OPHN1: variants seen among roughly 807,000 people sequenced by gnomAD.
OPHN1 encodes oligophrenin 1, also known as oligophrenin-1.
A neutral mutation model predicts 60.7 loss-of-function variants in OPHN1; 11 were observed. The ratio of observed to expected loss-of-function variants is 0.18; its 90% CI spans 0.11 to 0.30. The LOEUF (loss-of-function observed/expected upper bound fraction) is 0.30. Ranked by LOEUF, OPHN1 falls within the 10% of genes least tolerant of loss-of-function variation. OPHN1 has a pLI of 1.00. For missense variants in OPHN1, 449 were observed against 611.0 expected, an observed-to-expected ratio of 0.73 and a Z score of 2.80; for synonymous variants, 226 against 222.6, an observed-to-expected ratio of 1.02 and a Z score of -0.14.
At chrX:68,287,113 AAAAG>A (rs764621527) in intron 3 of OPHN1, among the ~76,000 whole-genome samples, 68 of 89,205 alleles carry the variant, frequency 7.6e-4, no homozygotes, top group Non-Finnish European at 1.3e-3. Flanking sequence ...AGGAAGAAAA[AAAAG>A]AAAGAGAGAG....
intron 2 of OPHN1, among the ~76,000 whole-genome samples, chrX:68,375,803 C>A (rs1255140098): frequency 9.0e-6 from 1 of 110,508 alleles, no homozygotes; most frequent in Non-Finnish European, 1.9e-5. Flanking sequence ...TTATATAATT[C>A]TCAAAACAAC....
At chrX:68,344,709 C>T (rs2078370880) in intron 2 of OPHN1, among the ~76,000 whole-genome samples, 1 of 110,685 alleles carries the variant, frequency 9.0e-6, no homozygotes, top group African/African-American at 3.3e-5. Flanking sequence ...ACACCCCCTA[C>T]AAAAAATAAA....
chrX:68,130,238 A>T (rs2077188113), intron 15 of OPHN1, among the ~76,000 whole-genome samples: 1 of 111,578 alleles, frequency 9.0e-6, no homozygotes, highest in Admixed American at 9.5e-5. Context: ...CCTACTAGCT[A>T]TTTCAGGCCA....
rs921019645 is a variant in OPHN1, at chrX:68,234,545, G to T, written c.428C>A (p.Ser143Tyr). The change falls in exon 6 of 25, where the codon TCT becomes TAT. Residue 143 changes from serine (S) to tyrosine (Y), a missense_variant. Ser to Tyr is a moderately radical substitution (Grantham distance 144, BLOSUM62 -2). Transcript: ENST00000355520. ...KFEKDGERFYSLLDRHLHLSS... is the reference protein window; with the variant it reads ...KFEKDGERFYYLLDRHLHLSS... ...CAGGTGTAAGTGCCGATCCAGTAAA[G>T]AATAAAACCTCTCACCATCCTTTTC... 1 of 1,209,910 alleles carries T rather than the reference G, an allele frequency of 8.3e-7. No individual in the cohort carries two copies.
Position 68,054,169 on chromosome X carries a change from T to C in OPHN1, c.2159-359A>G, listed in dbSNP as rs75662636. On this transcript the variant is annotated intron_variant, in intron 21 of 24. Coordinates refer to ENST00000355520, the MANE Select transcript of OPHN1 (RefSeq NM_002547.3). Reference sequence around the variant, plus strand: ...GTTTAGTGCAGGGCCAGGTACATAGTAGGTGCTTACTAAATGTCTGATGAT... The same window carrying C: ...GTTTAGTGCAGGGCCAGGTACATAGCAGGTGCTTACTAAATGTCTGATGAT... Among the ~76,000 whole-genome samples the C allele has an allele frequency of 3.7e-4, 41 of 110,502 alleles. No homozygotes were observed. The East Asian group carries it at 0.011, about 31-fold the overall frequency.
intron 2 of OPHN1, among the ~76,000 whole-genome samples, chrX:68,410,771 G>A: frequency 1.8e-5 from 2 of 111,026 alleles, no homozygotes; most frequent in Middle Eastern, 9.2e-3. Context: ...CCATAGCAGG[G>A]TATATACCCA....
intron 2 of OPHN1, among the ~76,000 whole-genome samples, chrX:68,333,289 G>A (rs2147679224): frequency 1.8e-5 from 2 of 108,891 alleles, no homozygotes; most frequent in Non-Finnish European, 3.8e-5. Context: ...TAGAATGCAT[G>A]CAAATGTCAT....
At chrX:68,232,792 C>A (rs189991976) in intron 6 of OPHN1, among the ~76,000 whole-genome samples, 4 of 109,837 alleles carry the variant, frequency 3.6e-5, no homozygotes, top group African/African-American at 1.0e-4. Flanking sequence ...ATAGAAACCG[C>A]GACACAGAAT....
intron 15 of OPHN1, chrX:68,192,693 T>A (rs2077494262): frequency 7.5e-6 from 3 of 399,271 alleles, no homozygotes; most frequent in African/African-American, 5.0e-5. Flanking sequence ...GTTGTATTGC[T>A]GAGGGTTTCT....
chrX:68,212,096 A>G lies in OPHN1; in HGVS notation c.702+12T>C, dbSNP rs756038495. 1 of 1,135,317 alleles carries G rather than the reference A, an allele frequency of 8.8e-7. No individual in the cohort carries two copies. Among genetic ancestry groups the G allele is most frequent in the African/African-American group, 1.8e-5 (1 of 56,373 alleles). The allele number at this position is 1,135,317 out of a possible 1,213,427, so 93.6% of individuals were successfully genotyped here. A position where few individuals can be genotyped will look rare whatever the true frequency, so the allele number is the denominator to read the frequency against. Reference sequence around the variant, plus strand: ...GGAAAGACCGGTGAGAAAAATCCACATGCAAACTCACATTCTGTAAACTGA... The same window carrying G: ...GGAAAGACCGGTGAGAAAAATCCACGTGCAAACTCACATTCTGTAAACTGA... On this transcript the variant is annotated intron_variant, in intron 8 of 24. Transcript: ENST00000355520.
intron 11 of OPHN1, among the ~76,000 whole-genome samples, chrX:68,198,222 A>C (rs2077520881): frequency 9.0e-6 from 1 of 110,931 alleles, no homozygotes; most frequent in Admixed American, 9.6e-5. Context: ...GAACCTCATG[A>C]ATGGGATTAG....
At chrX:68,308,893 C>T (rs1318626283) in intron 2 of OPHN1, among the ~76,000 whole-genome samples, 2 of 109,782 alleles carry the variant, frequency 1.8e-5, no homozygotes, top group East Asian at 2.9e-4. Flanking sequence ...GATCCTCCCA[C>T]GTCAGCCTCC....
rs35324033 is a variant in OPHN1, at chrX:68,327,797, TAAAAAAAAAA to T, written c.155-28711_155-28702del. On this transcript the variant is annotated intron_variant, in intron 2 of 24. Transcript: ENST00000355520. Reference sequence around the variant, plus strand: ...CAATAAAAATAAAAAATAAAAAAAATAAAAAAAAAAAAAAAAAAAATTTTAAACTTTTTTT... The same window carrying T: ...CAATAAAAATAAAAAATAAAAAAAATAAAAAAAAAATTTTAAACTTTTTTT... Among the ~76,000 whole-genome samples, 129 of 67,380 alleles carry T rather than the reference TAAAAAAAAAA, an allele frequency of 1.9e-3. 9 individuals are homozygous for T. The highest frequency in any genetic ancestry group is 5.9e-3 in the African/African-American group (96 of 16,293). 58.5% of individuals were successfully genotyped at this position (67,380 alleles called of 115,157 possible).
At chrX:68,323,636 C>A (rs1054589634) in intron 2 of OPHN1, among the ~76,000 whole-genome samples, 1 of 111,619 alleles carries the variant, frequency 9.0e-6, no homozygotes, top group African/African-American at 3.2e-5. Flanking sequence ...GTACACAGAA[C>A]ACAGTATGGA....
intron 2 of OPHN1, among the ~76,000 whole-genome samples, chrX:68,300,231 T>C (rs1268720567): frequency 8.9e-6 from 1 of 111,782 alleles, no homozygotes; most frequent in African/African-American, 3.3e-5. Flanking sequence ...AGCCTGAGTA[T>C]TTGCTCTCAG....
At chrX:68,418,826 T>C (rs984079526) in intron 2 of OPHN1, among the ~76,000 whole-genome samples, 2 of 111,746 alleles carry the variant, frequency 1.8e-5, no homozygotes, top group African/African-American at 3.2e-5. Flanking sequence ...ATCGAGATCA[T>C]AGGTGAAACT....
chrX:68,167,001 C>T (rs1012401726), intron 15 of OPHN1, among the ~76,000 whole-genome samples: 2 of 112,110 alleles, frequency 1.8e-5, no homozygotes, highest in African/African-American at 6.5e-5. Flanking sequence ...ATTCCACAAG[C>T]ACAGGCAACC....
chrX:68,215,041 ATAAT>A (rs1377904661), intron 6 of OPHN1, among the ~76,000 whole-genome samples: 1 of 111,492 alleles, frequency 9.0e-6, no homozygotes, highest in Non-Finnish European at 1.9e-5. Context: ...TAAAATAATT[ATAAT>A]TAATATGATA....
At chrX:68,373,486 G>A (rs1602363342) in intron 2 of OPHN1, among the ~76,000 whole-genome samples, 1 of 110,671 alleles carries the variant, frequency 9.0e-6, no homozygotes, top group African/African-American at 3.3e-5. Flanking sequence ...ACTGACTCTG[G>A]CCTCAGTTCC....
Sources: allele counts gnomAD v4.1 joint callset (sites outside exome capture counted in the v4.1 genomes callset), GRCh38; gene constraint gnomAD v4.1.1; transcripts MANE v1.5; gene names NCBI Gene and HGNC (gene_info 2026-07-23, HGNC 2026-07-21).